Variants in CNTNAP2 observed in about 807,000 individuals in gnomAD.
CNTNAP2 encodes contactin-associated protein-like 2.
In CNTNAP2, 98 loss-of-function variants were observed where a neutral mutation model predicts 155.2. The observed-to-expected ratio is 0.63, with a 90% CI of 0.54 to 0.75. The LOEUF (loss-of-function observed/expected upper bound fraction) is 0.75. CNTNAP2 is among the 30% of genes least tolerant of loss of function. The probability of loss-of-function intolerance (pLI) is 0.00; values close to 1 mark genes in which losing one functional copy is unlikely to be tolerated. For synonymous variants in CNTNAP2, 651 were observed against 631.2 expected (o/e 1.03, Z -0.47); for missense variants, 1,727 against 1,688.1 (o/e 1.02, Z -0.40).
chr7:146,294,948 A>C (rs1467511561), intron 1 of CNTNAP2, among the ~76,000 whole-genome samples: 1 of 152,184 alleles, frequency 6.6e-6, no homozygotes, highest in Non-Finnish European at 1.5e-5. Flanking sequence ...TTTATTTACT[A>C]CTTTTAGCCA....
intron 1 of CNTNAP2, among the ~76,000 whole-genome samples, chr7:146,628,258 G>T (rs2129158153): frequency 6.6e-6 from 1 of 152,208 alleles, no homozygotes; most frequent in East Asian, 1.9e-4. Flanking sequence ...GAACTCAAGA[G>T]CCACAGTATC....
intron 3 of CNTNAP2, among the ~76,000 whole-genome samples, chr7:147,028,087 G>C (rs1288056626): frequency 6.6e-6 from 1 of 152,178 alleles, no homozygotes; most frequent in African/African-American, 2.4e-5. Flanking sequence ...AGGAGGTTGA[G>C]TTGAAAAAGT....
chr7:147,631,229 T>G (rs7803800), intron 12 of CNTNAP2, among the ~76,000 whole-genome samples: 54,239 of 151,790 alleles, frequency 0.36, 10,956 homozygotes, highest in African/African-American at 0.53. Flanking sequence ...TACAACAGCT[T>G]CACAAAGTAA....
intron 2 of CNTNAP2, among the ~76,000 whole-genome samples, chr7:146,801,394 A>G (rs538004119): frequency 1.3e-5 from 2 of 152,290 alleles, no homozygotes; most frequent in East Asian, 1.9e-4. Flanking sequence ...CATCCAAACC[A>G]TATCATTGAC....
chr7:147,667,832 A>G (rs928898559), intron 13 of CNTNAP2, among the ~76,000 whole-genome samples: 8 of 146,182 alleles, frequency 5.5e-5, no homozygotes, highest in Admixed American at 5.4e-4. Context: ...AAATAAAAAA[A>G]TAAAAGATAC....
chr7:146,205,351 A>G (rs1198331470), intron 1 of CNTNAP2, among the ~76,000 whole-genome samples: 1 of 151,954 alleles, frequency 6.6e-6, no homozygotes, highest in Admixed American at 6.6e-5. Context: ...TCAGATACAC[A>G]TATTTATGTA....
At chr7:146,505,876 G>T (rs182199686) in intron 1 of CNTNAP2, among the ~76,000 whole-genome samples, 1 of 152,168 alleles carries the variant, frequency 6.6e-6, no homozygotes, top group Non-Finnish European at 1.5e-5. Flanking sequence ...TTTCATGGCC[G>T]CTCATTCAAG....
chr7:146,850,719 G>A (rs1794863662), intron 3 of CNTNAP2, among the ~76,000 whole-genome samples: 1 of 151,756 alleles, frequency 6.6e-6, no homozygotes, highest in Admixed American at 6.6e-5. Flanking sequence ...AAAAAAAATT[G>A]TAATGGTTGA....
At chr7:147,894,949 CTTTCTTTCTTTCTTTCTTTT>C (rs1799752084) in intron 13 of CNTNAP2, among the ~76,000 whole-genome samples, 1 of 68,584 alleles carries the variant, frequency 1.5e-5, no homozygotes, top group African/African-American at 9.7e-5. Context: ...TTCTTTCTTT[CTTTCTTTCTTTCTTTCTTTT>C]TTTTTTTTTT....
At chr7:148,020,692 T>TA (rs1211670865) in intron 15 of CNTNAP2, among the ~76,000 whole-genome samples, 1 of 152,246 alleles carries the variant, frequency 6.6e-6, no homozygotes, top group African/African-American at 2.4e-5. Flanking sequence ...TGATCTGCCT[T>TA]AAAACCATAG....
intron 8 of CNTNAP2, among the ~76,000 whole-genome samples, chr7:147,231,773 A>C (rs1803686188): frequency 6.6e-6 from 1 of 152,162 alleles, no homozygotes; most frequent in South Asian, 2.1e-4. Context: ...TTTTTGAATC[A>C]GGTTATTTTT....
At chr7:147,025,813 A>G (rs1399865020) in intron 3 of CNTNAP2, among the ~76,000 whole-genome samples, 1 of 151,258 alleles carries the variant, frequency 6.6e-6, no homozygotes, top group Non-Finnish European at 1.5e-5. Context: ...AGATAGCTAA[A>G]TGCATGTGCT....
intron 2 of CNTNAP2, among the ~76,000 whole-genome samples, chr7:146,823,745 CT>C (rs977623639): frequency 2.7e-5 from 4 of 147,044 alleles, no homozygotes; most frequent in Non-Finnish European, 5.9e-5. Context: ...AGTATTATAT[CT>C]TCTAATTAGG....
At chr7:148,150,909 G>A (rs180903753) in intron 17 of CNTNAP2, among the ~76,000 whole-genome samples, 248 of 151,526 alleles carry the variant, frequency 1.6e-3, no homozygotes, top group Non-Finnish European at 3.0e-3. Context: ...TGCCTGGCAT[G>A]AGGTCTCCCT....
chr7:147,336,498 A>C (rs1795667168), intron 9 of CNTNAP2, among the ~76,000 whole-genome samples: 1 of 152,158 alleles, frequency 6.6e-6, no homozygotes, highest in South Asian at 2.1e-4. Context: ...TAATTTATTG[A>C]AGTCTCTCAC....
intron 1 of CNTNAP2, among the ~76,000 whole-genome samples, chr7:146,404,428 C>T (rs1030827679): frequency 6.6e-5 from 10 of 152,144 alleles, no homozygotes; most frequent in South Asian, 2.1e-4. Flanking sequence ...GCATCCGCAG[C>T]AACATCCTTA....
intron 3 of CNTNAP2, among the ~76,000 whole-genome samples, chr7:146,880,862 A>G (rs1237485607): frequency 6.6e-6 from 1 of 152,162 alleles, no homozygotes; most frequent in Non-Finnish European, 1.5e-5. Flanking sequence ...TATCCTCATT[A>G]GATTCACAAG....
At chr7:147,164,100 G>T (rs1802077461) in intron 8 of CNTNAP2, among the ~76,000 whole-genome samples, 1 of 152,162 alleles carries the variant, frequency 6.6e-6, no homozygotes, top group African/African-American at 2.4e-5. Context: ...AAGTGATCCT[G>T]GCATACTCAT....
intron 12 of CNTNAP2, among the ~76,000 whole-genome samples, chr7:147,562,542 C>T (rs977773250): frequency 2.3e-4 from 35 of 152,118 alleles, no homozygotes; most frequent in Admixed American, 1.9e-3. Context: ...TTGCAAAGTT[C>T]AGCCCAAAGA....
Sources: gnomAD v4.1 joint callset for allele counts (sites outside exome capture counted in the v4.1 genomes callset) on GRCh38, gnomAD v4.1.1 for gene constraint, MANE v1.5 for transcripts, NCBI Gene and HGNC (gene_info 2026-07-23, HGNC 2026-07-21) for gene names.